The following SPTBN1 variants were observed in gnomAD, a reference collection of about 807,000 sequenced individuals.
SPTBN1 encodes the protein spectrin beta, non-erythrocytic 1, also known as spectrin beta chain, non-erythrocytic 1.
A neutral mutation model predicts 266.4 loss-of-function variants in SPTBN1; 32 were observed. The observed-to-expected ratio is 0.12, with a 90% CI of 0.09 to 0.16. The LOEUF is 0.16. SPTBN1 is among the 10% of genes least tolerant of loss of function. SPTBN1 has a pLI of 1.00. For missense variants in SPTBN1, 2,296 were observed against 3,067.1 expected (o/e 0.75, Z 5.94); for synonymous variants, 1,336 against 1,162.2 (o/e 1.15, Z -3.04).
rs559636298 is a variant in SPTBN1, at chr2:54,642,880, C to T, written c.3859-103C>T. The T allele has an allele frequency of 6.5e-6, 9 of 1,386,794 alleles. No homozygotes were observed. In the Admixed American group the frequency reaches 6.7e-5, roughly 10 times the overall value. The allele number at this position is 1,386,794 out of a possible 1,614,324, so 85.9% of individuals were successfully genotyped here. On this transcript the variant is annotated intron_variant, in intron 18 of 35. Transcript: ENST00000356805. Reference sequence around the variant, plus strand: ...ATTTGGTTGTCTGTCACCATGGAAACGTGTGTAGTATGCATAATATGACAT... The same window carrying T: ...ATTTGGTTGTCTGTCACCATGGAAATGTGTGTAGTATGCATAATATGACAT...
intron 7 of SPTBN1, 46 bp from the exon 8 acceptor site, chr2:54,621,354 C>T: frequency 2.0e-6 from 3 of 1,479,990 alleles, no homozygotes; most frequent in Non-Finnish European, 2.8e-6. Context: ...CTGGGTGGGG[C>T]ACAGTAGCAT....
At chr2:54,501,573 G>C (rs1669271140) in intron 1 of SPTBN1, among the ~76,000 whole-genome samples, 2 of 152,364 alleles carry the variant, frequency 1.3e-5, no homozygotes, top group East Asian at 3.9e-4. Context: ...GCCAGGTGTA[G>C]GTTTGTGGCA....
intron 2 of SPTBN1, chr2:54,557,806 G>A: frequency 1.0e-6 from 1 of 985,380 alleles, no homozygotes; most frequent in Non-Finnish European, 1.2e-6. Flanking sequence ...AGTCAGCCGA[G>A]ATTCTTCACT....
intron 26 of SPTBN1, among the ~76,000 whole-genome samples, chr2:54,650,986 A>G (rs899439052): frequency 1.3e-5 from 2 of 152,210 alleles, no homozygotes; most frequent in East Asian, 1.9e-4. Context: ...TCCTGTCACT[A>G]TGATGGCAAG....
chr2:54,462,598 G>T (rs1693421055), intron 1 of SPTBN1, among the ~76,000 whole-genome samples: 1 of 152,162 alleles, frequency 6.6e-6, no homozygotes, highest in Non-Finnish European at 1.5e-5. Flanking sequence ...AGTTGTTATG[G>T]TTTTGTGGAC....
intron 32 of SPTBN1, chr2:54,661,959 A>G (rs1035803018): frequency 3.0e-6 from 3 of 985,330 alleles, no homozygotes; most frequent in Non-Finnish European, 3.6e-6. Context: ...ATGAGAAGAA[A>G]AAGTATTTTT....
chr2:54,560,199 T>G (rs1488165191), intron 2 of SPTBN1, among the ~76,000 whole-genome samples: 3 of 143,916 alleles, frequency 2.1e-5, no homozygotes, highest in Admixed American at 6.8e-5. Flanking sequence ...GGGGGGGGCG[T>G]TCATTATCTA....
intron 2 of SPTBN1, among the ~76,000 whole-genome samples, chr2:54,566,937 G>A (rs1480861626): frequency 6.6e-6 from 1 of 152,192 alleles, no homozygotes; most frequent in Non-Finnish European, 1.5e-5. Flanking sequence ...AAAGCAGGAA[G>A]GATCCTAGGA....
intron 2 of SPTBN1, among the ~76,000 whole-genome samples, chr2:54,593,940 TCTC>T (rs1244644776): frequency 6.8e-6 from 1 of 147,202 alleles, no homozygotes; most frequent in Non-Finnish European, 1.5e-5. Flanking sequence ...TTCAAGTAGT[TCTC>T]CTGCCTCAGC....
At chr2:54,505,275 C>T (rs535646715) in intron 1 of SPTBN1, among the ~76,000 whole-genome samples, 8 of 152,242 alleles carry the variant, frequency 5.3e-5, no homozygotes, top group East Asian at 1.9e-4. Flanking sequence ...GCATGCATCC[C>T]GGCTTCCCAC....
intron 4 of SPTBN1, among the ~76,000 whole-genome samples, chr2:54,615,617 A>T (rs1677552043): frequency 6.6e-6 from 1 of 152,186 alleles, no homozygotes; most frequent in African/African-American, 2.4e-5. Context: ...AACCTGCCCA[A>T]GGGTACATGG....
In SPTBN1 at chr2:54,593,823, C is replaced by CTTTTTTTTTTTTTT. The variant is rs374877354; in HGVS notation, c.149-5255_149-5242dup. Among the ~76,000 whole-genome samples, 10 of 64,794 alleles carry CTTTTTTTTTTTTTT rather than the reference C, an allele frequency of 1.5e-4. 1 individual carries two copies. The highest frequency in any genetic ancestry group is 2.1e-4 in the Non-Finnish European group (8 of 37,274). 42.5% of individuals were successfully genotyped at this position (64,794 alleles called of 152,430 possible). A position where few individuals can be genotyped will look rare whatever the true frequency, so the allele number is the denominator to read the frequency against. On this transcript the variant is annotated intron_variant, in intron 2 of 35. Transcript: ENST00000356805. ...TTCTAAGTCTTGTATCATGGAAACA[C>CTTTTTTTTTTTTTT]TTTTTTTTTTTTTTTTTTTTTTTTT...
chr2:54,626,117 C>G lies in SPTBN1; in HGVS notation c.1527C>G (p.Leu509=). The change falls in exon 12 of 36, where the codon CTC becomes CTG. Residue 509 remains leucine (L), a synonymous_variant. Transcript: ENST00000356805. The surrounding 1 kb of genome is among the most constrained non-coding windows in gnomAD (Gnocchi z 4.7). ...ITARKDNVIR[L]WEYLLELLRA... is the part of the protein sequence containing the mutation. The stretch of plus-strand genomic sequence containing the variant: ...CGAGGAAGGACAATGTCATCCGGCT[C>G]TGGGAATACCTACTGGAACTGCTCA... 6.2e-7 allele frequency: 1 copy of G among 1,614,208 alleles called. No homozygotes were observed. The highest frequency in any genetic ancestry group is 1.1e-5 in the South Asian group (1 of 91,082).
chr2:54,654,355 C>T (rs977120529), intron 27 of SPTBN1, among the ~76,000 whole-genome samples: 2 of 152,134 alleles, frequency 1.3e-5, no homozygotes, highest in Non-Finnish European at 2.9e-5. Context: ...TAATATTTGT[C>T]CTATATCTTT....
intron 6 of SPTBN1, 62 bp downstream of exon 6, chr2:54,617,750 G>T: frequency 6.5e-7 from 1 of 1,544,540 alleles, no homozygotes; most frequent in Non-Finnish European, 8.9e-7. Context: ...TTCCATAGCA[G>T]ATTTGGGTGA....
chr2:54,628,746 G>T lies in SPTBN1; in HGVS notation c.1799-187G>T, dbSNP rs1558444300. 6.6e-6 allele frequency among the ~76,000 whole-genome samples: 1 copy of T among 152,162 alleles called. No individual in the cohort carries two copies. Among genetic ancestry groups the T allele is most frequent in the Non-Finnish European group, 1.5e-5 (1 of 68,026 alleles). The stretch of plus-strand genomic sequence containing the variant: ...CCAAAAAAAAATAATGTTTATCATT[G>T]CCCTCACTCCTGTTCTAGTCAAGTT... On this transcript the variant is annotated intron_variant, in intron 13 of 35. Transcript: ENST00000356805. The surrounding 1 kb of genome is among the most constrained non-coding windows in gnomAD (Gnocchi z 4.3).
intron 2 of SPTBN1, among the ~76,000 whole-genome samples, chr2:54,592,238 A>T (rs999202839): frequency 6.6e-6 from 1 of 152,232 alleles, no homozygotes; most frequent in Non-Finnish European, 1.5e-5. Flanking sequence ...TTCAGTATTT[A>T]TCACAGTCAT....
intron 2 of SPTBN1, among the ~76,000 whole-genome samples, chr2:54,539,433 A>G (rs1864493): frequency 6.6e-6 from 1 of 152,092 alleles, no homozygotes; most frequent in South Asian, 2.1e-4. Flanking sequence ...AAGTTCAAAC[A>G]CTGCAGAAGT....
chr2:54,610,634 G>A (rs1677149910), intron 3 of SPTBN1, among the ~76,000 whole-genome samples: 1 of 152,332 alleles, frequency 6.6e-6, no homozygotes, highest in African/African-American at 2.4e-5. Flanking sequence ...GCATCTGCTG[G>A]TGTAGCTTCA....
Sources: gnomAD v4.1 joint callset for allele counts (sites outside exome capture counted in the v4.1 genomes callset) on GRCh38, gnomAD v4.1.1 for gene constraint, Gnocchi (gnomAD v3.1) non-coding constraint, MANE v1.5 for transcripts, NCBI Gene and HGNC (gene_info 2026-07-23, HGNC 2026-07-21) for gene names.